BRWD1: variants seen among roughly 807,000 people sequenced by gnomAD.
The protein encoded by BRWD1 is bromodomain and WD repeat-containing protein 1.
A neutral mutation model predicts 251.2 loss-of-function variants in BRWD1; 82 were observed. That is an observed-to-expected ratio of 0.33 (90% CI 0.27 to 0.39). The LOEUF (loss-of-function observed/expected upper bound fraction) is 0.39, where lower values mean the gene tolerates loss of function less well. Among genes scored for constraint, BRWD1 ranks in the 10% least tolerant of loss-of-function variants. BRWD1 has a pLI of 1.00. For missense variants in BRWD1, 2,233 were observed against 2,711.6 expected, an observed-to-expected ratio of 0.82 and a Z score of 3.92; for synonymous variants, 918 against 902.8, an observed-to-expected ratio of 1.02 and a Z score of -0.30.
Position 39,196,880 on chromosome 21 carries a change from A to G in BRWD1, c.6189T>C (p.Ser2063=). The G allele has an allele frequency of 6.2e-7, 1 of 1,613,656 alleles. No individual in the cohort carries two copies. The highest frequency in any genetic ancestry group is 1.1e-5 in the South Asian group (1 of 91,060). Residue 2063 remains serine (S), a synonymous_variant, in exon 41 of 41, where the codon AGT becomes AGC. Coordinates refer to ENST00000342449, the MANE Select transcript of BRWD1 (RefSeq NM_033656.4). ...CTGAAGAAAATGTCCTATCAGTCTC[A>G]CTCCCTGGAATATGACTTTTTGAAT... The part of the protein sequence containing the change: ...GEDSKSHIPG[S]ETDRTFSSES...
At chr21:39,280,083 T>C (rs2146702199) in intron 9 of BRWD1, 65 bp downstream of exon 9, 3 of 1,193,712 alleles carry the variant, frequency 2.5e-6, no homozygotes, top group South Asian at 3.0e-5. Context: ...TAAAACTTCA[T>C]TTCATTAGAT....
chr21:39,218,513 A>G lies in BRWD1; in HGVS notation c.3530T>C (p.Leu1177Ser), dbSNP rs755380741. Reference protein sequence around the residue: ...DRIISGIDQLLNLDIAAAFAG... With the variant: ...DRIISGIDQLSNLDIAAAFAG... ...AAAAATAAAAAACTTACCAAGATTCAAAAGTTGATCTATACCACTGATAAT... is the reference window on the plus strand; with the variant it reads ...AAAAATAAAAAACTTACCAAGATTCGAAAGTTGATCTATACCACTGATAAT... The change falls in exon 30 of 41, where the codon TTG becomes TCG. Residue 1177 changes from leucine to serine, a missense_variant. Leu to Ser is a moderately radical substitution (Grantham distance 145). Transcript: ENST00000342449. The G allele has an allele frequency of 6.3e-7, 1 of 1,575,394 alleles. No individual in the cohort carries two copies. Among genetic ancestry groups the G allele is most frequent in the Non-Finnish European group, 8.5e-7 (1 of 1,169,868 alleles).
chr21:39,234,502 A>G (rs2033739352), intron 23 of BRWD1, among the ~76,000 whole-genome samples: 1 of 152,230 alleles, frequency 6.6e-6, no homozygotes, highest in Admixed American at 6.5e-5. Context: ...CCAAGACTTA[A>G]GGTACTCTCA....
chr21:39,215,394 G>C (rs1223186242), intron 31 of BRWD1, 32 bp from the exon 32 acceptor site: 3 of 1,585,864 alleles, frequency 1.9e-6, no homozygotes, highest in Non-Finnish European at 1.7e-6. Context: ...TTAGGGCTTA[G>C]AAAATGAGAA....
At chr21:39,287,047 C>A (rs1174146405) in intron 8 of BRWD1, among the ~76,000 whole-genome samples, 2 of 152,188 alleles carry the variant, frequency 1.3e-5, no homozygotes, top group Non-Finnish European at 2.9e-5. Flanking sequence ...ACCTTGCTGA[C>A]ATCATCACTT....
intron 20 of BRWD1, among the ~76,000 whole-genome samples, chr21:39,250,088 T>C (rs1285466215): frequency 1.3e-5 from 2 of 152,148 alleles, no homozygotes; most frequent in African/African-American, 2.4e-5. Context: ...TTGCAATTCA[T>C]GGCCTCCTAT....
At chr21:39,272,591 T>C (rs1044063553) in intron 13 of BRWD1, among the ~76,000 whole-genome samples, 6 of 151,600 alleles carry the variant, frequency 4.0e-5, no homozygotes, top group African/African-American at 1.5e-4. Context: ...TAAAAGGCTT[T>C]TGAAGTAATA....
rs931536728 is a variant in BRWD1 at position 39,255,726 on chromosome 21, C to T, written c.2174G>A (p.Arg725His). The T allele has an allele frequency of 6.2e-6, 10 of 1,614,140 alleles. No individual in the cohort carries two copies. The highest frequency in any genetic ancestry group is 1.3e-5 in the African/African-American group (1 of 75,022). Residue 725 changes from arginine (R) to histidine (H), a missense_variant, in exon 19 of 41, where the codon CGC becomes CAC. By Grantham distance (29) the Arg-to-His change is conservative. Transcript: ENST00000342449. ...GVRQMHQNAP[R>H]SQIATERDLQ... ...GTCACGTTCTGTAGCAATCTGACTGCGTGGAGCGTTTTGATGCATCTGACG... is the reference window on the plus strand; with the variant it reads ...GTCACGTTCTGTAGCAATCTGACTGTGTGGAGCGTTTTGATGCATCTGACG...
In BRWD1 at chr21:39,190,087, C is replaced by T; in HGVS notation, c.*6172G>A. 1 of 985,304 alleles carries T rather than the reference C, an allele frequency of 1.0e-6. No homozygotes were observed. The highest frequency in any genetic ancestry group is 1.2e-6 in the Non-Finnish European group (1 of 829,870). The allele number at this position is 985,304 out of a possible 1,614,324, so 61.0% of individuals were successfully genotyped here. A position where few individuals can be genotyped will look rare whatever the true frequency, so the allele number is the denominator to read the frequency against. On this transcript the variant is annotated 3_prime_UTR_variant, in exon 41 of 41. Coordinates refer to ENST00000342449, the MANE Select transcript of BRWD1 (RefSeq NM_033656.4). ...CTCCATGATCATTTCCCTGGATGACCACTTTAAATTATAACTCACAGATAT... is the reference window on the plus strand; with the variant it reads ...CTCCATGATCATTTCCCTGGATGACTACTTTAAATTATAACTCACAGATAT...
chr21:39,224,184 C>T (rs1364471811), intron 29 of BRWD1, among the ~76,000 whole-genome samples: 1 of 152,090 alleles, frequency 6.6e-6, no homozygotes, highest in East Asian at 1.9e-4. Context: ...ACATGAGAAA[C>T]GACAGCAAGC....
In BRWD1 at chr21:39,199,333, C is replaced by T. The variant is rs146332659; in HGVS notation, c.5083G>A (p.Asp1695Asn). The T allele has an allele frequency of 3.8e-4, 619 of 1,614,078 alleles. 2 individuals are homozygous for T. The highest frequency in any genetic ancestry group is 1.6e-3 in the Middle Eastern group (10 of 6,062). Residue 1695 changes from aspartate (D) to asparagine (N), a missense_variant, in exon 40 of 41, where the codon GAT becomes AAT. Transcript: ENST00000342449. ...GACACTGGTAATAGTTGATTTTCATCTTTTAGCTCCTCTTCTTCAATTTCT... is the reference window on the plus strand; with the variant it reads ...GACACTGGTAATAGTTGATTTTCATTTTTTAGCTCCTCTTCTTCAATTTCT... Reference protein sequence around the residue: ...KSEIEEEELKDENQLLPVSSS... With the variant: ...KSEIEEEELKNENQLLPVSSS...
upstream of BRWD1, among the ~76,000 whole-genome samples, chr21:39,316,237 A>G (rs572465352): frequency 6.6e-6 from 1 of 152,298 alleles, no homozygotes; most frequent in South Asian, 2.1e-4. Context: ...AGGACAGTAA[A>G]TCTGCAAGAT....
chr21:39,221,093 T>C (rs2033156449), intron 29 of BRWD1, among the ~76,000 whole-genome samples: 1 of 149,222 alleles, frequency 6.7e-6, no homozygotes, highest in Non-Finnish European at 1.5e-5. Context: ...AGGTGGAGGT[T>C]GCAATGAGTG....
At position 39,313,072 on chromosome 21, in the gene BRWD1, C is replaced by G. The variant is rs1342357224; in HGVS notation, c.138G>C (p.Gln46His). 2 of 1,479,718 alleles carry G rather than the reference C, an allele frequency of 1.4e-6. No individual in the cohort carries two copies. The highest frequency in any genetic ancestry group is 2.4e-5 in the Admixed American group (1 of 42,420). The allele number at this position is 1,479,718 out of a possible 1,614,324, so 91.7% of individuals were successfully genotyped here. The change falls in exon 3 of 41, where the codon CAG (glutamine) becomes CAC (histidine). Residue 46 changes from glutamine (Q) to histidine (H), a missense_variant and splice_region_variant. Coordinates refer to ENST00000342449, the MANE Select transcript of BRWD1 (RefSeq NM_033656.4). ...QVLVQELEQY[Q>H]LLPKRLDWEG... The stretch of plus-strand genomic sequence containing the variant: ...AGCGCGGGGACGGGCGCGCACAGAC[C>G]TGGTACTGCTCCAGCTCCTGCACCA...
intron 4 of BRWD1, among the ~76,000 whole-genome samples, chr21:39,305,006 C>CTG (rs2036241794): frequency 7.3e-6 from 1 of 137,738 alleles, no homozygotes; most frequent in Non-Finnish European, 1.5e-5. Context: ...GTCGCCCAGG[C>CTG]TGGAGTGCAG....
chr21:39,267,201 T>C (rs2034949984), intron 15 of BRWD1, among the ~76,000 whole-genome samples: 1 of 146,896 alleles, frequency 6.8e-6, no homozygotes, highest in Non-Finnish European at 1.5e-5. Flanking sequence ...ATGCATTTAA[T>C]CAAAGGTCTA....
chr21:39,255,798 G>C lies in BRWD1; in HGVS notation c.2102C>G (p.Ser701Cys). Residue 701 changes from serine (S) to cysteine (C), a missense_variant, in exon 19 of 41, where the codon TCC (serine) becomes TGC (cysteine). Ser to Cys is a moderately radical substitution (Grantham distance 112). Around this residue, in one of 12 missense-constraint regions of BRWD1, gnomAD observed 73 missense variants for 68.1 expected, o/e 1.07. Coordinates refer to ENST00000342449, the MANE Select transcript of BRWD1 (RefSeq NM_033656.4). ...ACGACGCAGACCAATATTTGGAGGG[G>C]ACTGAATGTCTAAGCTCAGCCTTCT... is the stretch of plus-strand genomic sequence containing the variant. The part of the protein sequence containing the change: ...GFRRLSLDIQ[S>C]PPNIGLRRSG... 1 of 1,614,164 alleles carries C rather than the reference G, an allele frequency of 6.2e-7. No homozygotes were observed.
At chr21:39,240,278 G>A (rs1297322954) in intron 21 of BRWD1, among the ~76,000 whole-genome samples, 1 of 150,994 alleles carries the variant, frequency 6.6e-6, no homozygotes, top group Non-Finnish European at 1.5e-5. Flanking sequence ...AGGATTTTTA[G>A]GGCAGTAAAA....
chr21:39,291,734 CCT>C (rs35374714), intron 8 of BRWD1, among the ~76,000 whole-genome samples: 91,321 of 151,874 alleles, frequency 0.6, 27,653 homozygotes, highest in Admixed American at 0.66. Flanking sequence ...CTTATCTGCC[CCT>C]CTCATCACGT....
Sources: allele counts gnomAD v4.1 joint callset (sites outside exome capture counted in the v4.1 genomes callset), GRCh38; gene constraint gnomAD v4.1.1; regional missense constraint gnomAD v4.1.1; transcripts MANE v1.5; gene names NCBI Gene and HGNC (gene_info 2026-07-23, HGNC 2026-07-21).